CADM1: variants seen among roughly 807,000 people sequenced by gnomAD.
CADM1 encodes the protein cell adhesion molecule 1.
CADM1 carries 15 observed loss-of-function variants against 53.1 expected under a neutral mutation model. That is an observed-to-expected ratio of 0.28 (90% CI 0.19 to 0.44). The LOEUF (loss-of-function observed/expected upper bound fraction) is 0.44, where lower values mean the gene tolerates loss of function less well. CADM1 is among the 20% of genes least tolerant of loss of function. CADM1 has a pLI of 1.00. For missense variants in CADM1, 434 were observed against 611.3 expected (o/e 0.71, Z 3.06); for synonymous variants, 281 against 243.0 (o/e 1.16, Z -1.45).
chr11:115,357,147 G>A (rs1031431752), intron 1 of CADM1, among the ~76,000 whole-genome samples: 1 of 151,948 alleles, frequency 6.6e-6, no homozygotes, highest in Non-Finnish European at 1.5e-5. Context: ...AATGTCCCTC[G>A]GGCCTTTCAG....
At position 115,401,851 on chromosome 11, in the gene CADM1, G is replaced by A. The variant is rs140501172; in HGVS notation, c.124+102420C>T. Among the ~76,000 whole-genome samples the A allele has an allele frequency of 5.5e-3, 838 of 152,266 alleles. 5 individuals are homozygous for A. Among genetic ancestry groups the A allele is most frequent in the Middle Eastern group, 0.034 (10 of 294 alleles). On this transcript the variant is annotated intron_variant, in intron 1 of 11. Coordinates refer to ENST00000331581, the MANE Select transcript of CADM1 (RefSeq NM_001301043.2). ...TCATCAACTGCAACAAATGTACCAC[G>A]CTGGTAGAGGATGTTGACAACAGGG...
intron 1 of CADM1, among the ~76,000 whole-genome samples, chr11:115,340,951 A>G (rs1036415873): frequency 1.3e-5 from 2 of 151,820 alleles, no homozygotes; most frequent in African/African-American, 4.8e-5. Flanking sequence ...CACTGTGACC[A>G]GCCAGAACAT....
At chr11:115,366,956 G>T (rs1329517521) in intron 1 of CADM1, among the ~76,000 whole-genome samples, 1 of 152,204 alleles carries the variant, frequency 6.6e-6, no homozygotes, top group African/African-American at 2.4e-5. Flanking sequence ...CTTCCTTTGA[G>T]TGTCCTAACA....
At chr11:115,362,608 AG>A (rs1348806849) in intron 1 of CADM1, among the ~76,000 whole-genome samples, 1 of 152,184 alleles carries the variant, frequency 6.6e-6, no homozygotes, top group African/African-American at 2.4e-5. Flanking sequence ...ATTATTAGAG[AG>A]GTTTTTTTTA....
chr11:115,431,596 G>T (rs1365164006), intron 1 of CADM1, among the ~76,000 whole-genome samples: 1 of 152,028 alleles, frequency 6.6e-6, no homozygotes, highest in African/African-American at 2.4e-5. Context: ...AACCTGAAGG[G>T]CTTTAAGCAG....
chr11:115,189,102 A>G (rs921024844), intron 10 of CADM1, among the ~76,000 whole-genome samples: 3 of 152,168 alleles, frequency 2.0e-5, no homozygotes, highest in African/African-American at 7.2e-5. Flanking sequence ...TGAGCAATAT[A>G]TGACTGCAGT....
At chr11:115,422,946 T>G (rs1947795035) in intron 1 of CADM1, among the ~76,000 whole-genome samples, 1 of 151,984 alleles carries the variant, frequency 6.6e-6, no homozygotes, top group Non-Finnish European at 1.5e-5. Flanking sequence ...AATATATACT[T>G]GGAAAACACT....
intron 1 of CADM1, among the ~76,000 whole-genome samples, chr11:115,316,164 G>A (rs970298032): frequency 2.3e-4 from 35 of 152,184 alleles, no homozygotes; most frequent in South Asian, 1.4e-3. Context: ...TGCTCAGTAT[G>A]TAAGGTTTTT....
At position 115,504,246 on chromosome 11, in the gene CADM1, C is replaced by T. The variant is rs764202687; in HGVS notation, c.124+25G>A. 3.2e-6 allele frequency: 5 copies of T among 1,567,084 alleles called. No homozygotes were observed. In the African/African-American group the frequency reaches 4.1e-5, roughly 13 times the overall value. ...TGGGGTGCCTTCGGAGATTTAGGGGCCAACCGGTCGGTGCCCACACCTACC... is the reference window on the plus strand; with the variant it reads ...TGGGGTGCCTTCGGAGATTTAGGGGTCAACCGGTCGGTGCCCACACCTACC... On this transcript the variant is annotated intron_variant, in intron 1 of 11. Transcript: ENST00000331581.
In CADM1 at chr11:115,237,090, A is replaced by G. The variant is rs137880595; in HGVS notation, c.424+1410T>C. Among the ~76,000 whole-genome samples, 1,104 of 152,302 alleles carry G rather than the reference A, an allele frequency of 7.2e-3. 13 individuals carry two copies. Among genetic ancestry groups the G allele is most frequent in the Middle Eastern group, 0.051 (15 of 294 alleles). ...TGAGTGGATAGTCAATTTGAAGTCT[A>G]TGCTGCTAATGACTTACTCCAATAA... is the stretch of plus-strand genomic sequence containing the variant. On this transcript the variant is annotated intron_variant, in intron 3 of 11. Transcript: ENST00000331581.
At chr11:115,196,314 G>T (rs1353066409) in intron 9 of CADM1, among the ~76,000 whole-genome samples, 2 of 151,988 alleles carry the variant, frequency 1.3e-5, no homozygotes, top group Non-Finnish European at 2.9e-5. Flanking sequence ...TTTCAGATTA[G>T]GGGACAAATT....
chr11:115,361,664 A>G (rs1311318340), intron 1 of CADM1, among the ~76,000 whole-genome samples: 1 of 152,144 alleles, frequency 6.6e-6, no homozygotes, highest in Admixed American at 6.5e-5. Context: ...AGGCATATGC[A>G]CACCCACAAT....
chr11:115,289,574 C>G (rs950949280), intron 1 of CADM1, among the ~76,000 whole-genome samples: 12 of 142,432 alleles, frequency 8.4e-5, no homozygotes, highest in Non-Finnish European at 1.5e-4. Context: ...GACTAAGGAA[C>G]TGAATTTTCT....
intron 1 of CADM1, among the ~76,000 whole-genome samples, chr11:115,463,393 A>G (rs2135377738): frequency 1.3e-5 from 2 of 152,334 alleles, no homozygotes; most frequent in Middle Eastern, 3.4e-3. Flanking sequence ...TGATTTAAAT[A>G]ATTTCTTAGG....
At chr11:115,187,832 G>T (rs1185387641) in intron 10 of CADM1, among the ~76,000 whole-genome samples, 1 of 152,192 alleles carries the variant, frequency 6.6e-6, no homozygotes, top group Non-Finnish European at 1.5e-5. Context: ...ACACCTAGAT[G>T]AGGGTTAGCA....
intron 1 of CADM1, among the ~76,000 whole-genome samples, chr11:115,340,658 A>ATATATATTTTTTTTTTTTTTTTT (rs60532835): frequency 2.9e-5 from 1 of 34,944 alleles, no homozygotes; most frequent in African/African-American, 1.4e-4. Context: ...ATATATATAT[A>ATATATATTTTTTTTTTTTTTTTT]TTTTTTTTTT....
At chr11:115,190,295 G>A (rs1939782695) in intron 10 of CADM1, among the ~76,000 whole-genome samples, 1 of 152,116 alleles carries the variant, frequency 6.6e-6, no homozygotes, top group South Asian at 2.1e-4. Context: ...CCTAAATCCT[G>A]GAATCAAGCA....
At position 115,171,702 on chromosome 11, in the gene CADM1, G is replaced by C. The variant is rs1350382368; in HGVS notation, c.*4772C>G. On this transcript the variant is annotated 3_prime_UTR_variant, in exon 12 of 12. Transcript: ENST00000331581. ...CTGCCTCAGCTCAAGGAACTTCTGGGACTTTTTTCTGTAGGGTACAGCTAA... is the reference window on the plus strand; with the variant it reads ...CTGCCTCAGCTCAAGGAACTTCTGGCACTTTTTTCTGTAGGGTACAGCTAA... 1 of 152,224 alleles carries C rather than the reference G, an allele frequency of 6.6e-6. No homozygotes were observed. The highest frequency in any genetic ancestry group is 6.5e-5 in the Admixed American group (1 of 15,284). The allele number at this position is 152,224 out of a possible 1,614,324, so 9.4% of individuals were successfully genotyped here.
At chr11:115,406,801 T>C (rs1380361321) in intron 1 of CADM1, among the ~76,000 whole-genome samples, 1 of 151,198 alleles carries the variant, frequency 6.6e-6, no homozygotes, top group Non-Finnish European at 1.5e-5. Flanking sequence ...ACAAAAAAAT[T>C]AGCTGGGCAT....
Sources: allele counts gnomAD v4.1 joint callset (sites outside exome capture counted in the v4.1 genomes callset), GRCh38; gene constraint gnomAD v4.1.1; transcripts MANE v1.5; gene names NCBI Gene and HGNC (gene_info 2026-07-23, HGNC 2026-07-21).